SKIC3: variants seen among roughly 807,000 people sequenced by gnomAD.
SKIC3 encodes superkiller complex protein 3.
the SKIC3 span, among the ~76,000 whole-genome samples, chr5:95,540,362 C>T: frequency 6.6e-6 from 1 of 151,850 alleles, no homozygotes; most frequent in Admixed American, 6.6e-5. Flanking sequence ...GTACACTACT[C>T]GGGTGATGGG....
chr5:95,517,278 G>A, the SKIC3 span: 1 of 1,613,286 alleles, frequency 6.2e-7, no homozygotes, highest in Non-Finnish European at 8.5e-7. Flanking sequence ...AGCATCCCCA[G>A]CTAGCTTCCA....
At chr5:95,535,307 A>ATTTTT in the SKIC3 span, among the ~76,000 whole-genome samples, 24 of 91,792 alleles carry the variant, frequency 2.6e-4, no homozygotes, top group African/African-American at 3.4e-4. Flanking sequence ...GGTAACAGCA[A>ATTTTT]TTTTTTTTTT....
At chr5:95,482,489 G>C in the SKIC3 span, 167 of 1,614,022 alleles carry the variant, frequency 1.0e-4, 1 homozygote, top group Admixed American at 6.5e-4. Flanking sequence ...AGCTGGAACA[G>C]AGGTTGAGTT....
chr5:95,473,369 C>T, the SKIC3 span, among the ~76,000 whole-genome samples: 2 of 151,918 alleles, frequency 1.3e-5, no homozygotes, highest in South Asian at 4.2e-4. Context: ...TGCATCCCAA[C>T]CTCCCGAGCT....
chr5:95,464,479 C>A, the SKIC3 span: 1 of 704,816 alleles, frequency 1.4e-6, no homozygotes, highest in Non-Finnish European at 2.3e-6. Context: ...AAAACTTCAA[C>A]TTCTCTAGAT....
the SKIC3 span, chr5:95,512,447 T>G: frequency 6.2e-7 from 1 of 1,602,124 alleles, no homozygotes; most frequent in Non-Finnish European, 8.5e-7. Context: ...GTTGCTCAAA[T>G]ATCTTGCTAT....
chr5:95,516,956 T>C, the SKIC3 span: 42 of 1,612,276 alleles, frequency 2.6e-5, no homozygotes, highest in Middle Eastern at 3.3e-4. Flanking sequence ...ATCATTCATG[T>C]TGCTGCCTGT....
chr5:95,464,623 C>G, the SKIC3 span: 1 of 1,612,708 alleles, frequency 6.2e-7, no homozygotes, highest in East Asian at 2.2e-5. Context: ...TGAGGACAAT[C>G]TCTGATTCAG....
chr5:95,518,851 G>T, the SKIC3 span, among the ~76,000 whole-genome samples: 1 of 151,946 alleles, frequency 6.6e-6, no homozygotes, highest in South Asian at 2.1e-4. Context: ...GGATCATACG[G>T]TAGTTCTATT....
At chr5:95,546,753 C>A in the SKIC3 span, among the ~76,000 whole-genome samples, 1 of 152,170 alleles carries the variant, frequency 6.6e-6, no homozygotes, top group East Asian at 1.9e-4. Flanking sequence ...AGAACACTAA[C>A]ATGCCATTAA....
chr5:95,501,816 T>C, the SKIC3 span, among the ~76,000 whole-genome samples: 1 of 152,290 alleles, frequency 6.6e-6, no homozygotes, highest in East Asian at 1.9e-4. Flanking sequence ...GCAGTAATCA[T>C]GAGTATCTAT....
At chr5:95,512,742 T>C in the SKIC3 span, 1 of 1,102,730 alleles carries the variant, frequency 9.1e-7, no homozygotes, top group Non-Finnish European at 1.3e-6. Context: ...TTAAGTCAAT[T>C]GTTAAAAGTA....
the SKIC3 span, among the ~76,000 whole-genome samples, chr5:95,486,568 C>T: frequency 6.6e-6 from 1 of 152,208 alleles, no homozygotes; most frequent in African/African-American, 2.4e-5. Flanking sequence ...GCATGCACCA[C>T]CAGGGAGCCT....
At chr5:95,483,032 A>AT in the SKIC3 span, among the ~76,000 whole-genome samples, 1 of 152,022 alleles carries the variant, frequency 6.6e-6, no homozygotes, top group Admixed American at 6.6e-5. Context: ...AGAGGCATAC[A>AT]TTTTTTTCTT....
At chr5:95,554,926 C>G in the SKIC3 span, 1 of 215,108 alleles carries the variant, frequency 4.6e-6, no homozygotes, top group South Asian at 5.2e-5. Flanking sequence ...CGACAGAAAT[C>G]CAAACCCACC....
At chr5:95,523,902 G>T in the SKIC3 span, 1 of 1,429,530 alleles carries the variant, frequency 7.0e-7, no homozygotes, top group Non-Finnish European at 9.7e-7. Flanking sequence ...TACAAATACA[G>T]AAGATAAATA....
At chr5:95,527,047 G>A in the SKIC3 span, among the ~76,000 whole-genome samples, 1 of 152,122 alleles carries the variant, frequency 6.6e-6, no homozygotes, top group African/African-American at 2.4e-5. Flanking sequence ...ATGAACACAT[G>A]GATTTAAAAT....
At chr5:95,498,060 T>C in the SKIC3 span, among the ~76,000 whole-genome samples, 1 of 152,070 alleles carries the variant, frequency 6.6e-6, no homozygotes, top group Non-Finnish European at 1.5e-5. Context: ...AAACCATCAA[T>C]CTAGACAGTA....
chr5:95,507,025 AG>A, the SKIC3 span: 1 of 1,595,346 alleles, frequency 6.3e-7, no homozygotes, highest in Non-Finnish European at 8.6e-7. Context: ...AAAAAAAAAA[AG>A]GTATTTTAAT....
Sources: gnomAD v4.1 joint callset for allele counts (sites outside exome capture counted in the v4.1 genomes callset) on GRCh38, gnomAD v4.1.1 for gene constraint, MANE v1.5 for transcripts, NCBI Gene and HGNC (gene_info 2026-07-23, HGNC 2026-07-21) for gene names.